USP30: variants seen among roughly 807,000 people sequenced by gnomAD.
USP30 encodes ubiquitin carboxyl-terminal hydrolase 30.
USP30 carries 41 observed loss-of-function variants against 68.2 expected under a neutral mutation model. The observed-to-expected ratio is 0.60, with a 90% CI of 0.47 to 0.78. The LOEUF is 0.78. Among genes scored for constraint, USP30 ranks in the 30% least tolerant of loss-of-function variants. USP30 has a pLI of 0.00. For synonymous variants in USP30, 229 were observed against 253.7 expected (o/e 0.90, Z 0.93); for missense variants, 522 against 649.4 (o/e 0.80, Z 2.13).
intron 3 of USP30, among the ~76,000 whole-genome samples, chr12:109,033,897 A>C (rs1034311976): frequency 6.6e-6 from 1 of 152,240 alleles, no homozygotes; most frequent in Non-Finnish European, 1.5e-5. Flanking sequence ...ATGTCTAATC[A>C]GTACAATAAC....
intron 7 of USP30, among the ~76,000 whole-genome samples, chr12:109,080,765 TTC>T (rs1398447049): frequency 6.6e-6 from 1 of 152,230 alleles, no homozygotes; most frequent in Non-Finnish European, 1.5e-5. Context: ...ACGGTACCTT[TTC>T]TGTTTTTAGA....
intron 2 of USP30, among the ~76,000 whole-genome samples, chr12:109,026,526 C>T (rs2040446526): frequency 6.6e-6 from 1 of 151,340 alleles, no homozygotes; most frequent in Non-Finnish European, 1.5e-5. Context: ...GTGACATGAT[C>T]ATGGCTCACT....
At position 109,079,489 on chromosome 12, in the gene USP30, G is replaced by A. The variant is rs74560693; in HGVS notation, c.721-1845G>A. Among the ~76,000 whole-genome samples the A allele has an allele frequency of 3.4e-3, 505 of 149,286 alleles. 3 individuals are homozygous for A. The highest frequency in any genetic ancestry group is 0.012 in the African/African-American group (479 of 40,514). On this transcript the variant is annotated intron_variant, in intron 7 of 12. Transcript: ENST00000257548. ...AGTTATCCTCCCACCTTAGCCCCCTGAGCAGCTGGGACTACAGGTGTGTGC... is the reference window on the plus strand; with the variant it reads ...AGTTATCCTCCCACCTTAGCCCCCTAAGCAGCTGGGACTACAGGTGTGTGC...
chr12:109,035,179 T>C (rs2040509703), intron 3 of USP30, among the ~76,000 whole-genome samples: 1 of 152,066 alleles, frequency 6.6e-6, no homozygotes, highest in Non-Finnish European at 1.5e-5. Flanking sequence ...TTTCAATATG[T>C]CATGTCTTTT....
In USP30 at chr12:109,024,077, G is replaced by T. The variant is rs557170521; in HGVS notation, c.-497-726G>T. On this transcript the variant is annotated intron_variant, in intron 1 of 15. Coordinates refer to the USP30 transcript ENST00000392784. The stretch of plus-strand genomic sequence containing the variant: ...CCCAGCTCCACCTCTTCCTGGGTGG[G>T]TAACCTCGAGCAGGTTGTCTAACTT... 4.5e-4 allele frequency among the ~76,000 whole-genome samples: 68 copies of T among 152,212 alleles called. 2 individuals carry two copies. In the South Asian group the frequency reaches 8.5e-3, roughly 19 times the overall value.
At chr12:109,046,425 T>A (rs2040606044) in intron 3 of USP30, among the ~76,000 whole-genome samples, 1 of 151,876 alleles carries the variant, frequency 6.6e-6, no homozygotes, top group Non-Finnish European at 1.5e-5. Flanking sequence ...GTCTTTTTTT[T>A]TTTTTCTTCC....
chr12:109,067,206 C>T (rs1204313372), intron 3 of USP30, among the ~76,000 whole-genome samples: 1 of 150,628 alleles, frequency 6.6e-6, no homozygotes, highest in Non-Finnish European at 1.5e-5. Flanking sequence ...CTCCGCCTCC[C>T]GGGTTCATGC....
intron 6 of USP30, 79 bp downstream of exon 6, chr12:109,072,429 A>AT (rs1328292024): frequency 1.9e-5 from 27 of 1,447,098 alleles, no homozygotes; most frequent in Non-Finnish European, 2.4e-5. Context: ...TTTTAAAAAG[A>AT]TTTTTTTCTG....
At chr12:109,039,198 C>A (rs559017880) in intron 3 of USP30, among the ~76,000 whole-genome samples, 1 of 152,184 alleles carries the variant, frequency 6.6e-6, no homozygotes, top group East Asian at 1.9e-4. Context: ...GATTTTTCTC[C>A]GTTTTCCTCA....
intron 3 of USP30, among the ~76,000 whole-genome samples, chr12:109,034,301 T>C (rs989524138): frequency 1.3e-5 from 2 of 152,256 alleles, no homozygotes; most frequent in Admixed American, 1.3e-4. Context: ...TGTTATTGAT[T>C]TCTAATTTCA....
At chr12:109,045,598 G>A (rs757047302) in intron 3 of USP30, among the ~76,000 whole-genome samples, 29 of 152,202 alleles carry the variant, frequency 1.9e-4, no homozygotes, top group South Asian at 6.2e-4. Context: ...TCACTTCTCC[G>A]GGCTTTAGCT....
chr12:109,034,981 A>T (rs191047961), intron 3 of USP30, among the ~76,000 whole-genome samples: 1 of 152,082 alleles, frequency 6.6e-6, no homozygotes, highest in East Asian at 1.9e-4. Context: ...CACTTTTTCC[A>T]TCCATTTACT....
chr12:109,052,956 C>G, intron 1 of USP30, 195 bp downstream of exon 1: 1 of 476,276 alleles, frequency 2.1e-6, no homozygotes, highest in Non-Finnish European at 3.5e-6. Context: ...TTCGGCAACA[C>G]CAATTCTGTC....
intron 7 of USP30, among the ~76,000 whole-genome samples, chr12:109,078,161 C>T (rs2041669252): frequency 6.6e-6 from 1 of 152,110 alleles, no homozygotes; most frequent in Non-Finnish European, 1.5e-5. Flanking sequence ...TGCTGTGGCT[C>T]ACGTCTGTAA....
intron 3 of USP30, among the ~76,000 whole-genome samples, chr12:109,033,799 G>A (rs1010804015): frequency 6.6e-6 from 1 of 152,152 alleles, no homozygotes; most frequent in Non-Finnish European, 1.5e-5. Context: ...GCTTGGTTAA[G>A]AGGTTAAGCC....
Position 109,052,686 on chromosome 12 carries a change from G to A in USP30, c.8G>A (p.Ser3Asn), listed in dbSNP as rs909756631. 4.7e-6 allele frequency: 7 copies of A among 1,494,306 alleles called. No individual in the cohort carries two copies. Among genetic ancestry groups the A allele is most frequent in the Non-Finnish European group, 6.2e-6 (7 of 1,127,398 alleles). 92.6% of individuals were successfully genotyped at this position (1,494,306 alleles called of 1,614,324 possible). ML[S>N]SRAEAAMTAA... ...GCCTCCGGTGCGGCTGCAATGCTGA[G>A]CTCCCGGGCCGAGGCGGCGATGACC... The change falls in exon 1 of 13, where the codon AGC becomes AAC. Residue 3 changes from serine (S) to asparagine (N), a missense_variant. Coordinates refer to ENST00000257548, the MANE Select transcript of USP30 (RefSeq NM_032663.5).
intron 3 of USP30, among the ~76,000 whole-genome samples, chr12:109,029,066 A>G (rs1340846067): frequency 2.6e-5 from 4 of 152,208 alleles, no homozygotes; most frequent in African/African-American, 9.6e-5. Context: ...CTCAGCTATG[A>G]ATCATGTCAA....
At chr12:109,056,145 G>A (rs74548103) in intron 1 of USP30, among the ~76,000 whole-genome samples, 4,197 of 151,754 alleles carry the variant, frequency 0.028, 90 homozygotes, top group South Asian at 0.1. Context: ...GTGAGAAGTA[G>A]CCTTTGGAAT....
At chr12:109,033,968 A>C (rs777193221) in intron 3 of USP30, among the ~76,000 whole-genome samples, 2 of 152,206 alleles carry the variant, frequency 1.3e-5, no homozygotes, top group Non-Finnish European at 2.9e-5. Context: ...ACAAACTCCA[A>C]AAGTCTCCTA....
Sources: gnomAD v4.1 joint callset for allele counts (sites outside exome capture counted in the v4.1 genomes callset) on GRCh38, gnomAD v4.1.1 for gene constraint, MANE v1.5 for transcripts, NCBI Gene and HGNC (gene_info 2026-07-23, HGNC 2026-07-21) for gene names.